Variants in REPS2 observed in about 807,000 individuals in gnomAD.
The protein encoded by REPS2 is RALBP1 associated Eps domain containing 2.
Under a neutral mutation model 53.6 loss-of-function variants are expected in REPS2, and 23 were observed. The observed-to-expected ratio is 0.43, with a 90% CI of 0.31 to 0.61. The LOEUF (loss-of-function observed/expected upper bound fraction) is 0.61, where lower values mean the gene tolerates loss of function less well. REPS2 is among the 20% of genes least tolerant of loss of function. The pLI is 0.11. For synonymous variants in REPS2, 238 were observed against 218.6 expected, an observed-to-expected ratio of 1.09 and a Z score of -0.78; for missense variants, 446 against 534.9, an observed-to-expected ratio of 0.83 and a Z score of 1.64.
the REPS2 span, among the ~76,000 whole-genome samples, chrX:17,172,317 T>C: frequency 1.3e-4 from 14 of 111,323 alleles, no homozygotes; most frequent in Non-Finnish European, 3.8e-5. Flanking sequence ...TGGGAGGTGA[T>C]TGGATCATGG....
At chrX:17,015,989 T>G (rs1309293160) in intron 2 of REPS2, among the ~76,000 whole-genome samples, 2 of 111,909 alleles carry the variant, frequency 1.8e-5, no homozygotes, top group Non-Finnish European at 3.8e-5. Flanking sequence ...ATCGCCACAC[T>G]GACTTCCACA....
chrX:17,182,020 G>A, the REPS2 span, among the ~76,000 whole-genome samples: 2 of 111,709 alleles, frequency 1.8e-5, no homozygotes, highest in East Asian at 2.8e-4. Flanking sequence ...CCTGAATATC[G>A]GGTGGGACTT....
At chrX:17,135,724 A>G in intron 16 of REPS2, 2 of 221,449 alleles carry the variant, frequency 9.0e-6, no homozygotes, top group Non-Finnish European at 1.6e-5. Flanking sequence ...TCCTGGCAAG[A>G]TGAAAGTATT....
chrX:17,028,363 T>A (rs1272210392), intron 4 of REPS2, among the ~76,000 whole-genome samples: 1 of 112,700 alleles, frequency 8.9e-6, no homozygotes, highest in Non-Finnish European at 1.9e-5. Context: ...TTAAAAATCC[T>A]ACTTCTCAGA....
At chrX:16,994,293 ATG>A (rs1226654352) in intron 1 of REPS2, among the ~76,000 whole-genome samples, 8 of 111,624 alleles carry the variant, frequency 7.2e-5, no homozygotes, top group African/African-American at 1.6e-4. Flanking sequence ...TATATTTTAT[ATG>A]TGTGTGTGTA....
intron 1 of REPS2, among the ~76,000 whole-genome samples, chrX:16,949,630 A>G (rs2060483096): frequency 9.0e-6 from 1 of 110,619 alleles, no homozygotes; most frequent in Non-Finnish European, 1.9e-5. Context: ...CTGGTCTCGA[A>G]CTCCTGACTT....
At chrX:17,121,080 G>A (rs753865934) in intron 14 of REPS2, among the ~76,000 whole-genome samples, 2 of 111,921 alleles carry the variant, frequency 1.8e-5, no homozygotes, top group Non-Finnish European at 3.8e-5. Flanking sequence ...ATTCTGAGCA[G>A]TATCTTTTAT....
Position 17,149,216 on chromosome X carries a change from T to G in REPS2, c.*1735T>G. ...AGGGTTGGGAGTAAGTTTAAACTCT[T>G]CCGAAGATTATGAATGGGTCAGCAC... On this transcript the variant is annotated 3_prime_UTR_variant, in exon 18 of 18. Transcript: ENST00000357277. The G allele has an allele frequency of 8.9e-6, 2 of 223,600 alleles. No homozygotes were observed. Among genetic ancestry groups the G allele is most frequent in the South Asian group, 1.0e-4 (2 of 19,061 alleles). The allele number at this position is 223,600 out of a possible 1,213,427, so 18.4% of individuals were successfully genotyped here. A position where few individuals can be genotyped will look rare whatever the true frequency, so the allele number is the denominator to read the frequency against.
intron 14 of REPS2, among the ~76,000 whole-genome samples, chrX:17,107,239 G>A (rs1216910300): frequency 8.9e-6 from 1 of 111,843 alleles, no homozygotes; most frequent in Non-Finnish European, 1.9e-5. Flanking sequence ...TTATAGAATC[G>A]GTTCATAGAT....
intron 1 of REPS2, among the ~76,000 whole-genome samples, chrX:16,996,477 G>A (rs2061236363): frequency 8.9e-6 from 1 of 111,988 alleles, no homozygotes; most frequent in African/African-American, 3.3e-5. Flanking sequence ...CCTTGGAGCA[G>A]GCAGCTTTGA....
the REPS2 span, among the ~76,000 whole-genome samples, chrX:17,163,056 C>T: frequency 8.9e-6 from 1 of 111,909 alleles, no homozygotes; most frequent in African/African-American, 3.2e-5. Context: ...GCTTATTAGA[C>T]AAATACATAA....
chrX:17,050,625 A>C (rs910568702), intron 6 of REPS2, among the ~76,000 whole-genome samples: 6 of 111,516 alleles, frequency 5.4e-5, no homozygotes, highest in African/African-American at 2.0e-4. Flanking sequence ...ATTTCTCAGA[A>C]CGTATCCCTT....
intron 5 of REPS2, among the ~76,000 whole-genome samples, chrX:17,041,343 T>C (rs1057400575): frequency 5.4e-5 from 6 of 111,760 alleles, no homozygotes; most frequent in Admixed American, 3.8e-4. Flanking sequence ...GCATGAATTA[T>C]TGGAGGAGTC....
At chrX:17,007,172 C>T (rs1244349603) in intron 2 of REPS2, among the ~76,000 whole-genome samples, 1 of 111,903 alleles carries the variant, frequency 8.9e-6, no homozygotes, top group African/African-American at 3.3e-5. Context: ...GATAGACATA[C>T]AAGTGGATTC....
chrX:17,135,511 A>G (rs2063354429), intron 16 of REPS2, 105 bp downstream of exon 16: 3 of 937,319 alleles, frequency 3.2e-6, no homozygotes, highest in Non-Finnish European at 4.4e-6. Flanking sequence ...GAAGGATTTC[A>G]TGGTTGTAAG....
chrX:17,105,406 T>A (rs1387391457), intron 14 of REPS2, among the ~76,000 whole-genome samples: 1 of 112,319 alleles, frequency 8.9e-6, no homozygotes, highest in African/African-American at 3.2e-5. Flanking sequence ...TTGACTTTTG[T>A]AACCAACCTT....
chrX:17,123,294 A>G (rs1482074442), intron 14 of REPS2, among the ~76,000 whole-genome samples: 1 of 112,296 alleles, frequency 8.9e-6, no homozygotes. Flanking sequence ...TAGGTATGTG[A>G]TATAGAGAGT....
At chrX:16,951,559 A>ACACCC (rs879259718) in intron 1 of REPS2, among the ~76,000 whole-genome samples, 437 of 37,496 alleles carry the variant, frequency 0.012, 16 homozygotes, top group Admixed American at 0.027. Context: ...ACACACACAC[A>ACACCC]CCCCCGCTAC....
intron 1 of REPS2, among the ~76,000 whole-genome samples, chrX:16,950,612 G>A (rs1002208260): frequency 8.9e-6 from 1 of 112,681 alleles, no homozygotes; most frequent in African/African-American, 3.2e-5. Flanking sequence ...TCTGATGTGT[G>A]TCAGGTACTG....
Sources: allele counts gnomAD v4.1 joint callset (sites outside exome capture counted in the v4.1 genomes callset), GRCh38; gene constraint gnomAD v4.1.1; transcripts MANE v1.5; gene names NCBI Gene and HGNC (gene_info 2026-07-23, HGNC 2026-07-21).